The following MDGA2 variants were observed in gnomAD, a reference collection of about 807,000 sequenced individuals.
MDGA2 encodes MAM domain-containing glycosylphosphatidylinositol anchor protein 2.
MDGA2 carries 40 observed loss-of-function variants against 117.8 expected under a neutral mutation model. That is an observed-to-expected ratio of 0.34 (90% CI 0.26 to 0.44). The LOEUF is 0.44. Among genes scored for constraint, MDGA2 ranks in the 20% least tolerant of loss-of-function variants. The pLI, the probability that MDGA2 is intolerant of heterozygous loss-of-function variation, is 1.00. For missense variants in MDGA2, 1,123 were observed against 1,250.6 expected (o/e 0.90, Z 1.54); for synonymous variants, 452 against 439.0 (o/e 1.03, Z -0.37).
At chr14:46,846,466 T>A (rs898975924) in intron 15 of MDGA2, among the ~76,000 whole-genome samples, 2 of 152,116 alleles carry the variant, frequency 1.3e-5, no homozygotes, top group African/African-American at 4.8e-5. Flanking sequence ...TGAAGATATG[T>A]ATCAGTCTAT....
chr14:47,342,256 T>TTATATATATA (rs10536485), intron 1 of MDGA2, among the ~76,000 whole-genome samples: 41 of 134,066 alleles, frequency 3.1e-4, no homozygotes, highest in African/African-American at 9.2e-4. Flanking sequence ...CACAAAATGT[T>TTATATATATA]TATATATATA....
At chr14:47,620,856 CACA>C (rs1445372085) in intron 1 of MDGA2, among the ~76,000 whole-genome samples, 1 of 152,126 alleles carries the variant, frequency 6.6e-6, no homozygotes, top group Non-Finnish European at 1.5e-5. Flanking sequence ...GGCACAACGG[CACA>C]ACATCACTTT....
chr14:46,908,503 A>T (rs1045523038), intron 10 of MDGA2, among the ~76,000 whole-genome samples: 3 of 152,182 alleles, frequency 2.0e-5, no homozygotes, highest in African/African-American at 4.8e-5. Flanking sequence ...TCAAAGCAGG[A>T]CTAATTGCCT....
At chr14:47,432,497 T>A (rs1892819041) in intron 1 of MDGA2, among the ~76,000 whole-genome samples, 1 of 152,076 alleles carries the variant, frequency 6.6e-6, no homozygotes, top group Non-Finnish European at 1.5e-5. Flanking sequence ...AATTTCTCCA[T>A]GGAATATTTA....
Position 46,882,191 on chromosome 14 carries a change from T to C in MDGA2, c.2269A>G (p.Ile757Val). The change falls in exon 11 of 17, where the codon ATT becomes GTT. Residue 757 changes from isoleucine to valine, a missense_variant. By Grantham distance (29) the Ile-to-Val change is conservative. Around this residue, in one of 2 missense-constraint regions of MDGA2, gnomAD observed 890 missense variants for 1,050.3 expected, o/e 0.85. Coordinates refer to ENST00000399232, the MANE Select transcript of MDGA2 (RefSeq NM_001113498.3). ...TTTTGAATATTCCCATTTATTTTAA[T>C]CTCCTGCTCCCACCAGCGCTGCTGT... Reference protein sequence around the residue: ...AGQQRWWEQEIKINGNIQKGE... With the variant: ...AGQQRWWEQEVKINGNIQKGE... 6.2e-7 allele frequency: 1 copy of C among 1,611,972 alleles called. No individual in the cohort carries two copies. The highest frequency in any genetic ancestry group is 8.5e-7 in the Non-Finnish European group (1 of 1,178,800).
At chr14:47,392,904 A>C (rs899756654) in intron 1 of MDGA2, among the ~76,000 whole-genome samples, 1 of 152,102 alleles carries the variant, frequency 6.6e-6, no homozygotes, top group African/African-American at 2.4e-5. Context: ...AATAATATAA[A>C]TTTGAGCATC....
chr14:47,214,277 G>C (rs1886005263), intron 3 of MDGA2, among the ~76,000 whole-genome samples: 1 of 152,058 alleles, frequency 6.6e-6, no homozygotes, highest in Non-Finnish European at 1.5e-5. Context: ...CTTTTGATCA[G>C]AAATATTTGC....
chr14:47,241,694 C>CTCTGACTGTCCTGCATTCCATAATGTT (rs1251575586), intron 2 of MDGA2, among the ~76,000 whole-genome samples: 2 of 151,738 alleles, frequency 1.3e-5, no homozygotes, highest in Non-Finnish European at 2.9e-5. Flanking sequence ...AACTCTTTTC[C>CTCTGACTGTCCTGCATTCCATAATGTT]TCTGACTGTC....
intron 10 of MDGA2, among the ~76,000 whole-genome samples, chr14:46,893,525 T>C (rs1882961203): frequency 1.3e-5 from 2 of 151,594 alleles, no homozygotes; most frequent in South Asian, 2.1e-4. Flanking sequence ...TACCCACATA[T>C]TGACAAACAT....
chr14:47,343,961 G>C (rs1473565228), intron 1 of MDGA2, among the ~76,000 whole-genome samples: 3 of 152,084 alleles, frequency 2.0e-5, no homozygotes, highest in African/African-American at 4.8e-5. Flanking sequence ...GATTTATCCT[G>C]ACTCTTGGAA....
At chr14:47,332,043 G>A (rs1890307976) in intron 1 of MDGA2, among the ~76,000 whole-genome samples, 1 of 151,986 alleles carries the variant, frequency 6.6e-6, no homozygotes, top group Non-Finnish European at 1.5e-5. Context: ...ATAAAAACTT[G>A]CAGAATGATT....
At chr14:46,976,973 A>C (rs577238778) in intron 8 of MDGA2, among the ~76,000 whole-genome samples, 6 of 152,064 alleles carry the variant, frequency 3.9e-5, no homozygotes, top group Admixed American at 6.6e-5. Context: ...AAACTTCATC[A>C]TTCTCATGGA....
At chr14:46,916,838 G>C (rs1883919066) in intron 10 of MDGA2, among the ~76,000 whole-genome samples, 1 of 151,866 alleles carries the variant, frequency 6.6e-6, no homozygotes, top group South Asian at 2.1e-4. Context: ...ATCATAAAAA[G>C]CACCCTAGAA....
In MDGA2 at chr14:47,645,827, C is replaced by T. The variant is rs760185614; in HGVS notation, c.280+28690G>A. Among the ~76,000 whole-genome samples, 10 of 151,700 alleles carry T rather than the reference C, an allele frequency of 6.6e-5. 1 individual carries two copies. The highest frequency in any genetic ancestry group is 2.2e-4 in the African/African-American group (9 of 41,362). ...GTGGCTCATGCCTGTAATCCCAGCA[C>T]TCTGGGAAGCCGAGGCGGGTGGATC... is the stretch of plus-strand genomic sequence containing the variant. On this transcript the variant is annotated intron_variant, in intron 1 of 16. Coordinates refer to ENST00000399232, the MANE Select transcript of MDGA2 (RefSeq NM_001113498.3).
At chr14:47,127,819 C>G (rs1473524969) in intron 5 of MDGA2, among the ~76,000 whole-genome samples, 3 of 151,858 alleles carry the variant, frequency 2.0e-5, no homozygotes, top group Non-Finnish European at 4.4e-5. Flanking sequence ...TTAATAATCA[C>G]AGAAATAAAG....
intron 1 of MDGA2, among the ~76,000 whole-genome samples, chr14:47,308,557 T>C (rs1889534847): frequency 6.7e-6 from 1 of 148,550 alleles, no homozygotes. Context: ...GGACCACATA[T>C]GAGGGAATCT....
At chr14:47,053,631 A>C (rs1019170177) in intron 7 of MDGA2, among the ~76,000 whole-genome samples, 2 of 98,858 alleles carry the variant, frequency 2.0e-5, no homozygotes, top group African/African-American at 7.3e-5. Flanking sequence ...ATATATATAT[A>C]TATATATATA....
rs140374312 is a variant in MDGA2 at position 47,122,612 on chromosome 14, C to T, written c.925+9102G>A. 2.9e-4 allele frequency among the ~76,000 whole-genome samples: 44 copies of T among 152,062 alleles called. No individual in the cohort carries two copies. In the East Asian group the frequency reaches 8.1e-3, roughly 28 times the overall value. On this transcript the variant is annotated intron_variant, in intron 5 of 16. Coordinates refer to ENST00000399232, the MANE Select transcript of MDGA2 (RefSeq NM_001113498.3). ...GTATCTCCTTTGTTAGAGCCAGTAA[C>T]CTATAAAAGCAAATTGTCAGTAAAT...
intron 8 of MDGA2, among the ~76,000 whole-genome samples, chr14:47,030,550 T>C (rs1292218817): frequency 6.6e-6 from 1 of 152,054 alleles, no homozygotes; most frequent in Non-Finnish European, 1.5e-5. Flanking sequence ...TTGTTTCAGT[T>C]TTGTTCAGTA....
Sources: gnomAD v4.1 joint callset for allele counts (sites outside exome capture counted in the v4.1 genomes callset) on GRCh38, gnomAD v4.1.1 for gene constraint, gnomAD v4.1.1 regional missense constraint, MANE v1.5 for transcripts, NCBI Gene and HGNC (gene_info 2026-07-23, HGNC 2026-07-21) for gene names.